Variants in CDS2 observed in about 807,000 individuals in gnomAD.
CDS2 encodes phosphatidate cytidylyltransferase 2.
Under a neutral mutation model 59.0 loss-of-function variants are expected in CDS2, and 47 were observed. That is an observed-to-expected ratio of 0.80 (90% CI 0.63 to 1.02). CDS2 has a LOEUF of 1.02. Among genes scored for constraint, CDS2 ranks in the 50% least tolerant of loss-of-function variants. CDS2 has a pLI of 0.00. For missense variants in CDS2, 356 were observed against 558.9 expected (o/e 0.64, Z 3.66); for synonymous variants, 207 against 206.4 (o/e 1.00, Z -0.02).
chr20:5,131,971 A>T (rs6053135), intron 1 of CDS2, among the ~76,000 whole-genome samples: 88,602 of 152,170 alleles, frequency 0.58, 27,523 homozygotes, highest in African/African-American at 0.79. Flanking sequence ...CATCTTACAC[A>T]CTTGAAAGGT....
intron 1 of CDS2, among the ~76,000 whole-genome samples, chr20:5,151,748 G>GTTT (rs1429748041): frequency 2.1e-5 from 2 of 94,428 alleles, no homozygotes; most frequent in Non-Finnish European, 4.3e-5. Flanking sequence ...TAGACTCCAT[G>GTTT]TCTTTTTTTT....
intron 1 of CDS2, among the ~76,000 whole-genome samples, chr20:5,159,339 C>A (rs368793693): frequency 3.4e-5 from 4 of 118,194 alleles, no homozygotes; most frequent in East Asian, 5.3e-4. Flanking sequence ...CCCCACCCCA[C>A]AACAGGCCCC....
At chr20:5,135,216 C>T (rs1331604402) in intron 1 of CDS2, among the ~76,000 whole-genome samples, 1 of 152,218 alleles carries the variant, frequency 6.6e-6, no homozygotes, top group African/African-American at 2.4e-5. Flanking sequence ...GCGTGAGCCA[C>T]CGTGCCCGGC....
In CDS2 at chr20:5,186,844, G is replaced by T. The variant is rs757680987; in HGVS notation, c.981+5G>T. On this transcript the variant is annotated splice_donor_5th_base_variant and intron_variant, in intron 10 of 12. Coordinates refer to ENST00000460006, the MANE Select transcript of CDS2 (RefSeq NM_003818.4). ...ATCCAGTCAGTCATTGGCTGGGTAT[G>T]TGCCACTCACAGGGGGTGAGCGGCC... The T allele has an allele frequency of 6.2e-7, 1 of 1,613,886 alleles. No individual in the cohort carries two copies. Among genetic ancestry groups the T allele is most frequent in the Non-Finnish European group, 8.5e-7 (1 of 1,179,968 alleles).
chr20:5,148,711 G>C (rs1345682398), intron 1 of CDS2, among the ~76,000 whole-genome samples: 1 of 152,196 alleles, frequency 6.6e-6, no homozygotes, highest in African/African-American at 2.4e-5. Flanking sequence ...CCTACAATGC[G>C]GTTTGCACCG....
intron 1 of CDS2, 80 bp downstream of exon 1, chr20:5,127,229 G>C: frequency 1.6e-6 from 2 of 1,276,040 alleles, no homozygotes. Flanking sequence ...CAGAGGGGTC[G>C]TCTTGTTCTC....
intron 10 of CDS2, among the ~76,000 whole-genome samples, chr20:5,188,323 AT>A (rs747301732): frequency 2.0e-4 from 30 of 152,200 alleles, no homozygotes; most frequent in Non-Finnish European, 4.1e-4. Context: ...TATTCAAGAA[AT>A]GACTACTTGT....
In CDS2 at chr20:5,195,408, G is replaced by C. The variant is rs2091149791; in HGVS notation, c.*5174G>C. On this transcript the variant is annotated 3_prime_UTR_variant, in exon 13 of 13. Transcript: ENST00000460006. Reference sequence around the variant, plus strand: ...CACCCTAACGAGGCAAGAGGACATGGGGGTGTGCAGAAGTTCTGTTCTTAG... The same window carrying C: ...CACCCTAACGAGGCAAGAGGACATGCGGGTGTGCAGAAGTTCTGTTCTTAG... The C allele has an allele frequency of 6.6e-6, 1 of 152,226 alleles. No individual in the cohort carries two copies. The highest frequency in any genetic ancestry group is 2.4e-5 in the African/African-American group (1 of 41,394). 9.4% of individuals were successfully genotyped at this position (152,226 alleles called of 1,614,324 possible).
chr20:5,189,689 T>A, intron 11 of CDS2, 46 bp from the exon 12 acceptor site: 1 of 1,432,392 alleles, frequency 7.0e-7, no homozygotes, highest in South Asian at 1.2e-5. Context: ...TGGGATTGGT[T>A]AGTGGCTGAG....
intron 1 of CDS2, among the ~76,000 whole-genome samples, chr20:5,160,926 ATAC>A (rs1277184845): frequency 6.6e-6 from 1 of 152,220 alleles, no homozygotes; most frequent in African/African-American, 2.4e-5. Context: ...CTGTATATGT[ATAC>A]TACATTTTGT....
chr20:5,144,047 G>A (rs1042601795), intron 1 of CDS2, among the ~76,000 whole-genome samples: 3 of 152,212 alleles, frequency 2.0e-5, no homozygotes, highest in East Asian at 1.9e-4. Context: ...TCATAGGCAT[G>A]AGCCACCACG....
At chr20:5,145,173 G>C (rs915557886) in intron 1 of CDS2, among the ~76,000 whole-genome samples, 17 of 151,712 alleles carry the variant, frequency 1.1e-4, no homozygotes, top group Admixed American at 6.6e-4. Flanking sequence ...AGATCTCTGG[G>C]CGCGTAGATG....
At chr20:5,168,534 A>G (rs1277834439) in intron 1 of CDS2, 1 of 500,056 alleles carries the variant, frequency 2.0e-6, no homozygotes, top group African/African-American at 1.9e-5. Flanking sequence ...CCATGGGCAC[A>G]GCCACACTTT....
At chr20:5,144,490 T>G (rs1290875761) in intron 1 of CDS2, among the ~76,000 whole-genome samples, 1 of 152,186 alleles carries the variant, frequency 6.6e-6, no homozygotes, top group Non-Finnish European at 1.5e-5. Context: ...TCGCAAACTT[T>G]AATCTTCCTA....
intron 1 of CDS2, among the ~76,000 whole-genome samples, chr20:5,130,356 A>G (rs116499949): frequency 0.017 from 2,582 of 152,386 alleles, 73 homozygotes; most frequent in African/African-American, 0.058. Flanking sequence ...GGCTTTGCCA[A>G]TATTCTTGTG....
At chr20:5,157,654 C>G (rs1422452146) in intron 1 of CDS2, among the ~76,000 whole-genome samples, 1 of 152,156 alleles carries the variant, frequency 6.6e-6, no homozygotes, top group Non-Finnish European at 1.5e-5. Context: ...TAAGGAGCTG[C>G]TTTCTGGTTC....
At chr20:5,179,239 A>G (rs1310845956) in intron 5 of CDS2, among the ~76,000 whole-genome samples, 1 of 150,836 alleles carries the variant, frequency 6.6e-6, no homozygotes, top group East Asian at 1.9e-4. Flanking sequence ...CTCCCACCTC[A>G]GGTCCCGAAG....
At chr20:5,168,065 A>G (rs1436970009) in intron 1 of CDS2, among the ~76,000 whole-genome samples, 6 of 152,080 alleles carry the variant, frequency 3.9e-5, no homozygotes, top group Non-Finnish European at 2.9e-5. Context: ...ATATGAACAG[A>G]ATATTAATAT....
intron 3 of CDS2, among the ~76,000 whole-genome samples, chr20:5,175,831 CT>C (rs2090991107): frequency 1.3e-5 from 2 of 152,132 alleles, no homozygotes; most frequent in Admixed American, 1.3e-4. Flanking sequence ...TATTCCAACT[CT>C]GTAAACTTTT....
Sources: gnomAD v4.1 joint callset for allele counts (sites outside exome capture counted in the v4.1 genomes callset) on GRCh38, gnomAD v4.1.1 for gene constraint, MANE v1.5 for transcripts, NCBI Gene and HGNC (gene_info 2026-07-23, HGNC 2026-07-21) for gene names.